STK3: variants seen among roughly 807,000 people sequenced by gnomAD.
STK3 encodes the protein serine/threonine kinase 3.
STK3 carries 41 observed loss-of-function variants against 58.0 expected under a neutral mutation model. The observed-to-expected ratio is 0.71, with a 90% CI of 0.55 to 0.92. STK3 has a LOEUF of 0.92. Among genes scored for constraint, STK3 ranks in the 40% least tolerant of loss-of-function variants. The pLI, the probability that STK3 is intolerant of heterozygous loss-of-function variation, is 0.00. For synonymous variants in STK3, 170 were observed against 191.0 expected (o/e 0.89, Z 0.91); for missense variants, 479 against 602.7 (o/e 0.79, Z 2.15).
chr8:98,869,326 C>T (rs1343963522), intron 3 of STK3, among the ~76,000 whole-genome samples: 1 of 151,872 alleles, frequency 6.6e-6, no homozygotes, highest in African/African-American at 2.4e-5. Context: ...AAGGCTGAGG[C>T]ACGAGAATCG....
intron 1 of STK3, among the ~76,000 whole-genome samples, chr8:98,799,658 C>T (rs1246009461): frequency 6.6e-6 from 1 of 152,078 alleles, no homozygotes; most frequent in Non-Finnish European, 1.5e-5. Context: ...GAAATCAGAC[C>T]CTATCAGTAC....
chr8:98,397,029 C>A (rs758640375), downstream of STK3, among the ~76,000 whole-genome samples: 7 of 152,100 alleles, frequency 4.6e-5, no homozygotes, highest in Non-Finnish European at 7.3e-5. Flanking sequence ...CACTAATTAC[C>A]GAAGGTCAAA....
intron 4 of STK3, among the ~76,000 whole-genome samples, chr8:98,713,301 A>T (rs958589306): frequency 6.6e-5 from 10 of 152,192 alleles, no homozygotes; most frequent in Admixed American, 6.5e-4. Context: ...GAACTGAAGG[A>T]GATAGAGACA....
chr8:98,932,358 C>A (rs1413561738), intron 1 of STK3, among the ~76,000 whole-genome samples: 1 of 152,104 alleles, frequency 6.6e-6, no homozygotes, highest in African/African-American at 2.4e-5. Context: ...ATTTAAGGAC[C>A]CATGAAGGCT....
In STK3 at chr8:98,523,267, G is replaced by A. The variant is rs996997450; in HGVS notation, c.1317+3475C>T. Among the ~76,000 whole-genome samples the A allele has an allele frequency of 4.4e-4, 67 of 151,806 alleles. 1 individual carries two copies. The highest frequency in any genetic ancestry group is 1.3e-3 in the African/African-American group (55 of 41,408). On this transcript the variant is annotated intron_variant, in intron 10 of 10. Transcript: ENST00000419617. ...AATGGGTGTGTAGTATCTTATTGTA[G>A]TTTTGATATGCATTTCTCTAATGAT...
At chr8:98,480,676 A>G (rs1365750482) in intron 10 of STK3, among the ~76,000 whole-genome samples, 3 of 152,208 alleles carry the variant, frequency 2.0e-5, no homozygotes, top group Non-Finnish European at 4.4e-5. Flanking sequence ...TGACCAGCAT[A>G]TATCACAATT....
chr8:98,379,506 G>A (rs1392587926), intron 1 of STK3, among the ~76,000 whole-genome samples: 3 of 152,132 alleles, frequency 2.0e-5, no homozygotes, highest in Non-Finnish European at 4.4e-5. Flanking sequence ...CTCCCACACT[G>A]TGCTGACCAT....
chr8:98,366,471 A>T (rs1043964856), downstream of STK3, among the ~76,000 whole-genome samples: 1 of 152,220 alleles, frequency 6.6e-6, no homozygotes, highest in African/African-American at 2.4e-5. Flanking sequence ...CATACCATAA[A>T]AACATTCTCT....
intron 3 of STK3, among the ~76,000 whole-genome samples, chr8:98,833,801 AG>A (rs1835639337): frequency 6.6e-6 from 1 of 152,090 alleles, no homozygotes; most frequent in African/African-American, 2.4e-5. Context: ...TAGTCAGTTG[AG>A]GGGGGTTAGA....
chr8:98,564,920 T>C (rs1388248141), intron 8 of STK3, among the ~76,000 whole-genome samples: 1 of 152,144 alleles, frequency 6.6e-6, no homozygotes, highest in Non-Finnish European at 1.5e-5. Flanking sequence ...GGTTCATTAT[T>C]TAGACAAATG....
chr8:98,849,225 CAAAAAAA>C (rs1013187542), intron 3 of STK3, among the ~76,000 whole-genome samples: 16 of 52,148 alleles, frequency 3.1e-4, no homozygotes, highest in East Asian at 1.2e-3. Flanking sequence ...GACTCCATCT[CAAAAAAA>C]AAAAAAAAAA....
At chr8:98,576,930 CT>C (rs1265830262) in intron 8 of STK3, among the ~76,000 whole-genome samples, 1 of 152,160 alleles carries the variant, frequency 6.6e-6, no homozygotes, top group Non-Finnish European at 1.5e-5. Flanking sequence ...TGTCCCCGTC[CT>C]GGCACCAGTG....
intron 6 of STK3, among the ~76,000 whole-genome samples, chr8:98,673,346 A>G (rs1169800297): frequency 6.6e-6 from 1 of 152,198 alleles, no homozygotes; most frequent in Non-Finnish European, 1.5e-5. Flanking sequence ...ATCATCTGTA[A>G]GCTGTAGATA....
At chr8:98,911,748 G>A (rs1036512895) in intron 1 of STK3, among the ~76,000 whole-genome samples, 11 of 151,864 alleles carry the variant, frequency 7.2e-5, no homozygotes, top group African/African-American at 2.2e-4. Flanking sequence ...ATTTTGAATG[G>A]GGGCCTTATA....
chr8:98,756,789 T>C (rs1424165828), intron 3 of STK3, among the ~76,000 whole-genome samples: 1 of 152,194 alleles, frequency 6.6e-6, no homozygotes, highest in Admixed American at 6.5e-5. Flanking sequence ...GTCTTTCATA[T>C]GCACACCAAC....
At chr8:98,519,746 T>C (rs931853458) in intron 10 of STK3, among the ~76,000 whole-genome samples, 2 of 152,094 alleles carry the variant, frequency 1.3e-5, no homozygotes, top group Non-Finnish European at 2.9e-5. Flanking sequence ...TTGGGACTTT[T>C]TCTTCAGTGT....
chr8:98,349,067 T>G, the STK3 span, among the ~76,000 whole-genome samples: 1 of 152,212 alleles, frequency 6.6e-6, no homozygotes, highest in Non-Finnish European at 1.5e-5. Flanking sequence ...AGAATATTAT[T>G]TGGTGCTAAA....
chr8:98,844,800 T>C (rs545885496), intron 3 of STK3, among the ~76,000 whole-genome samples: 1 of 152,178 alleles, frequency 6.6e-6, no homozygotes, highest in Non-Finnish European at 1.5e-5. Context: ...TGATTATTGC[T>C]AGCATGATCA....
At chr8:98,568,397 A>G (rs1216579860) in intron 8 of STK3, among the ~76,000 whole-genome samples, 1 of 152,252 alleles carries the variant, frequency 6.6e-6, no homozygotes, top group African/African-American at 2.4e-5. Flanking sequence ...CTAACTCAGC[A>G]GACCAAAAAT....
Sources: allele counts gnomAD v4.1 joint callset (sites outside exome capture counted in the v4.1 genomes callset), GRCh38; gene constraint gnomAD v4.1.1; transcripts MANE v1.5; gene names NCBI Gene and HGNC (gene_info 2026-07-23, HGNC 2026-07-21).